Variants in ADGRL2 observed in about 807,000 individuals in gnomAD.
The protein encoded by ADGRL2 is calcium-independent alpha-latrotoxin receptor 2.
Under a neutral mutation model 157.4 loss-of-function variants are expected in ADGRL2, and 44 were observed. The observed-to-expected ratio is 0.28, with a 90% CI of 0.22 to 0.36. ADGRL2 has a LOEUF of 0.36. Ranked by LOEUF, ADGRL2 falls within the 10% of genes least tolerant of loss-of-function variation. The pLI is 1.00. For synonymous variants in ADGRL2, 585 were observed against 624.7 expected, an observed-to-expected ratio of 0.94 and a Z score of 0.95; for missense variants, 1,510 against 1,768.9, an observed-to-expected ratio of 0.85 and a Z score of 2.63.
intron 1 of ADGRL2, among the ~76,000 whole-genome samples, chr1:81,824,766 G>A (rs1282857836): frequency 6.6e-6 from 1 of 152,126 alleles, no homozygotes; most frequent in Admixed American, 6.6e-5. Context: ...AGTTTATTCT[G>A]AAGTTTATTA....
chr1:81,926,061 G>A (rs1053300920), intron 3 of ADGRL2, among the ~76,000 whole-genome samples: 23 of 151,954 alleles, frequency 1.5e-4, no homozygotes, highest in African/African-American at 4.8e-4. Flanking sequence ...TCCTCTGAGC[G>A]GGTAATTAAC....
intron 2 of ADGRL2, among the ~76,000 whole-genome samples, chr1:81,559,975 GTCT>G (rs1226801789): frequency 2.6e-5 from 4 of 152,070 alleles, no homozygotes; most frequent in African/African-American, 9.7e-5. Flanking sequence ...GCAGCTAAAT[GTCT>G]TCTTCTTAAA....
At chr1:81,882,241 C>G in intron 2 of ADGRL2, among the ~76,000 whole-genome samples, 1 of 152,072 alleles carries the variant, frequency 6.6e-6, no homozygotes, top group Non-Finnish European at 1.5e-5. Flanking sequence ...GCAGAATTTA[C>G]TGTTTTCTAC....
intron 2 of ADGRL2, among the ~76,000 whole-genome samples, chr1:81,458,810 GCT>G (rs1033259090): frequency 1.3e-5 from 2 of 152,168 alleles, no homozygotes; most frequent in Admixed American, 1.3e-4. Flanking sequence ...AAATGTTACA[GCT>G]CTCTCTCATT....
intron 1 of ADGRL2, among the ~76,000 whole-genome samples, chr1:81,825,657 C>CAAAAAAAAA (rs71085375): frequency 1.2e-5 from 1 of 86,754 alleles, no homozygotes. Context: ...ACCCTGTCTC[C>CAAAAAAAAA]AAAAAAAAAA....
intron 1 of ADGRL2, among the ~76,000 whole-genome samples, chr1:81,330,848 A>G (rs1238034115): frequency 6.6e-6 from 1 of 152,212 alleles, no homozygotes; most frequent in African/African-American, 2.4e-5. Context: ...TGATAGGTGC[A>G]TTTGAGAAAA....
At chr1:81,898,990 G>A (rs529127852) in intron 2 of ADGRL2, among the ~76,000 whole-genome samples, 5 of 152,228 alleles carry the variant, frequency 3.3e-5, no homozygotes, top group African/African-American at 1.2e-4. Context: ...TCTCATAGAG[G>A]TCCCTGATAA....
intron 2 of ADGRL2, among the ~76,000 whole-genome samples, chr1:81,488,032 T>G (rs1052055648): frequency 2.0e-5 from 3 of 152,152 alleles, no homozygotes; most frequent in Non-Finnish European, 4.4e-5. Context: ...GAAATGGCTA[T>G]TGTTACTGCA....
chr1:81,831,913 C>T (rs2091970404), intron 1 of ADGRL2, among the ~76,000 whole-genome samples: 1 of 151,990 alleles, frequency 6.6e-6, no homozygotes, highest in African/African-American at 2.4e-5. Context: ...GGGATCTAAG[C>T]TCTGCTGCTT....
chr1:81,312,553 A>G (rs1235761343), intron 1 of ADGRL2, among the ~76,000 whole-genome samples: 1 of 152,230 alleles, frequency 6.6e-6, no homozygotes, highest in East Asian at 1.9e-4. Flanking sequence ...GGAACTAAAC[A>G]TATGGATTTT....
intron 3 of ADGRL2, among the ~76,000 whole-genome samples, chr1:81,636,016 C>T: frequency 6.6e-6 from 1 of 152,166 alleles, no homozygotes; most frequent in Non-Finnish European, 1.5e-5. Flanking sequence ...GTAAGAATTC[C>T]TTAAAGGCAC....
At position 81,566,342 on chromosome 1, in the gene ADGRL2, AC is replaced by A. The variant is rs537492581; in HGVS notation, c.-247-14532del. On this transcript the variant is annotated intron_variant, in intron 2 of 24. Coordinates refer to the ADGRL2 transcript ENST00000370721. ...AACTAGAATCAAACAAATAAACAAAACCTGAATCCAAATGGCCTGTTCATAA... is the reference window on the plus strand; with the variant it reads ...AACTAGAATCAAACAAATAAACAAAACTGAATCCAAATGGCCTGTTCATAA... Among the ~76,000 whole-genome samples, 286 of 152,254 alleles carry A rather than the reference AC, an allele frequency of 1.9e-3. 3 individuals carry two copies. Among genetic ancestry groups the A allele is most frequent in the African/African-American group, 6.6e-3 (276 of 41,568 alleles).
intron 1 of ADGRL2, among the ~76,000 whole-genome samples, chr1:81,417,026 A>C (rs1570909592): frequency 6.6e-6 from 1 of 152,298 alleles, no homozygotes; most frequent in East Asian, 1.9e-4. Context: ...TACTGCCTTA[A>C]AATTTAAAGA....
At chr1:81,474,671 C>A (rs1308414795) in intron 2 of ADGRL2, among the ~76,000 whole-genome samples, 2 of 152,176 alleles carry the variant, frequency 1.3e-5, no homozygotes, top group African/African-American at 4.8e-5. Flanking sequence ...CTATCAAGAA[C>A]TCTTTTACAT....
At chr1:81,855,878 T>C (rs1345443074) in intron 2 of ADGRL2, among the ~76,000 whole-genome samples, 1 of 152,146 alleles carries the variant, frequency 6.6e-6, no homozygotes, top group Admixed American at 6.6e-5. Flanking sequence ...ATAAAAGGAA[T>C]GAATTGATGA....
In ADGRL2 at chr1:81,910,693, A is replaced by G. The variant is rs2094700480; in HGVS notation, c.287+3463A>G. ...ATTAGAATTTTCCTATATGTAAGAT[A>G]GTATAAATAATTATTGCTTATATAG... On this transcript the variant is annotated intron_variant, in intron 3 of 23. Coordinates refer to ENST00000686636, the MANE Select transcript of ADGRL2 (RefSeq NM_001366006.2). Among the ~76,000 whole-genome samples the G allele has an allele frequency of 1.3e-5, 2 of 151,208 alleles. 1 individual carries two copies. The highest frequency in any genetic ancestry group is 4.2e-4 in the South Asian group (2 of 4,816).
chr1:81,506,008 T>C (rs2078968292), intron 2 of ADGRL2: 1 of 181,334 alleles, frequency 5.5e-6, no homozygotes, highest in South Asian at 1.1e-4. Context: ...GTTCCTGTTC[T>C]TGAAGAGACA....
At chr1:81,542,463 A>G (rs865987067) in intron 2 of ADGRL2, among the ~76,000 whole-genome samples, 16 of 152,340 alleles carry the variant, frequency 1.1e-4, no homozygotes, top group Middle Eastern at 3.4e-3. Flanking sequence ...TTTTGCTGTT[A>G]GGCGAGGCGT....
chr1:81,967,931 G>A lies in ADGRL2; in HGVS notation c.2350-95G>A, dbSNP rs561506158. The A allele has an allele frequency of 1.3e-5, 14 of 1,053,652 alleles. No homozygotes were observed. The African/African-American group carries it at 1.9e-4, about 14-fold the overall frequency. The allele number at this position is 1,053,652 out of a possible 1,614,324, so 65.3% of individuals were successfully genotyped here. A position where few individuals can be genotyped will look rare whatever the true frequency, so the allele number is the denominator to read the frequency against. ...AACTTTATAGTCTGAAACATGCAAA[G>A]TTTAATCTAAATTACCTTTTATACA... On this transcript the variant is annotated intron_variant, in intron 13 of 23. Transcript: ENST00000686636.
Sources: allele counts gnomAD v4.1 joint callset (sites outside exome capture counted in the v4.1 genomes callset), GRCh38; gene constraint gnomAD v4.1.1; transcripts MANE v1.5; gene names NCBI Gene and HGNC (gene_info 2026-07-23, HGNC 2026-07-21).